The following C10orf90 variants were observed in gnomAD, a reference collection of about 807,000 sequenced individuals.
The protein encoded by C10orf90 is chromosome 10 open reading frame 90.
In C10orf90, 56 loss-of-function variants were observed where a neutral mutation model predicts 62.5. The observed-to-expected ratio is 0.90, with a 90% CI of 0.72 to 1.12. The LOEUF is 1.12. Among genes scored for constraint, C10orf90 ranks in the 50% most tolerant of loss-of-function variants. C10orf90 has a pLI of 0.00. For synonymous variants in C10orf90, 386 were observed against 340.4 expected (o/e 1.13, Z -1.47); for missense variants, 970 against 880.4 (o/e 1.10, Z -1.29).
intron 6 of C10orf90, among the ~76,000 whole-genome samples, chr10:126,460,722 G>GC (rs1859917456): frequency 6.6e-6 from 1 of 152,020 alleles, no homozygotes; most frequent in African/African-American, 2.4e-5. Flanking sequence ...TCCCACCGAG[G>GC]CCCCCTGGGT....
rs551725010 is a variant in C10orf90 at position 126,491,036 on chromosome 10, A to G, written c.1534+12921T>C. Among the ~76,000 whole-genome samples, 8 of 152,348 alleles carry G rather than the reference A, an allele frequency of 5.3e-5. No homozygotes were observed. The East Asian group carries it at 1.3e-3, about 26-fold the overall frequency. ...CCGTAAGTAAGCAGAAAAGCTGGAA[A>G]GGAAATTTTTAAAAATCTGTATCAG... On this transcript the variant is annotated intron_variant, in intron 4 of 9. Transcript: ENST00000488181.
At chr10:126,429,224 T>A (rs1160211911) in intron 8 of C10orf90, among the ~76,000 whole-genome samples, 1 of 151,662 alleles carries the variant, frequency 6.6e-6, no homozygotes, top group African/African-American at 2.4e-5. Context: ...TTAGTGGGAG[T>A]CTTGAACAGC....
intron 2 of C10orf90, among the ~76,000 whole-genome samples, chr10:126,626,373 C>T (rs1369475455): frequency 6.6e-6 from 1 of 152,112 alleles, no homozygotes; most frequent in African/African-American, 2.4e-5. Flanking sequence ...CCAGAACCCA[C>T]AGTTGTCCTG....
At chr10:126,434,384 G>T (rs1317604759) in intron 7 of C10orf90, among the ~76,000 whole-genome samples, 3 of 152,170 alleles carry the variant, frequency 2.0e-5, no homozygotes, top group Non-Finnish European at 4.4e-5. Flanking sequence ...CCTCCATGCA[G>T]AGCCCTTATC....
At chr10:126,655,707 T>C (rs1241250975) in intron 1 of C10orf90, among the ~76,000 whole-genome samples, 2 of 152,108 alleles carry the variant, frequency 1.3e-5, no homozygotes, top group South Asian at 4.1e-4. Flanking sequence ...TGAAATCAAA[T>C]ACACTGAAGT....
At chr10:126,661,033 G>C (rs1347247148) in intron 1 of C10orf90, among the ~76,000 whole-genome samples, 1 of 152,140 alleles carries the variant, frequency 6.6e-6, no homozygotes, top group African/African-American at 2.4e-5. Flanking sequence ...AAAACTTTTA[G>C]CCATTATTTC....
chr10:126,530,204 G>A (rs991532132), intron 2 of C10orf90, among the ~76,000 whole-genome samples: 1 of 151,818 alleles, frequency 6.6e-6, no homozygotes, highest in Non-Finnish European at 1.5e-5. Flanking sequence ...TAAACTATAC[G>A]TATGCACATT....
intron 2 of C10orf90, among the ~76,000 whole-genome samples, chr10:126,575,204 T>A (rs957027880): frequency 6.6e-6 from 1 of 151,848 alleles, no homozygotes; most frequent in African/African-American, 2.4e-5. Flanking sequence ...AAAGAAGAAG[T>A]CAAATTGTCC....
chr10:126,552,514 T>C (rs918647611), intron 2 of C10orf90, among the ~76,000 whole-genome samples: 2 of 152,156 alleles, frequency 1.3e-5, no homozygotes, highest in South Asian at 2.1e-4. Context: ...ACTGGACAGG[T>C]TGTCCATCAT....
intron 2 of C10orf90, among the ~76,000 whole-genome samples, chr10:126,526,063 A>C (rs1046533241): frequency 4.3e-5 from 4 of 93,278 alleles, no homozygotes; most frequent in African/African-American, 1.4e-4. Context: ...CACACACACA[A>C]AAGAAGCAGA....
intron 2 of C10orf90, among the ~76,000 whole-genome samples, chr10:126,621,858 A>G (rs1845649709): frequency 1.3e-5 from 2 of 152,144 alleles, no homozygotes; most frequent in African/African-American, 2.4e-5. Flanking sequence ...ATGCTTGACG[A>G]TTATTTTACA....
At chr10:126,517,845 G>T (rs1382517958) in intron 2 of C10orf90, among the ~76,000 whole-genome samples, 1 of 147,346 alleles carries the variant, frequency 6.8e-6, no homozygotes, top group African/African-American at 2.5e-5. Context: ...AGGAGGTAGA[G>T]GTTATAGTGA....
In C10orf90 at chr10:126,475,022, G is replaced by A. The variant is rs140605281; in HGVS notation, c.1535-10036C>T. ...TTTTGATTTGCATTTGGGCAGACCA[G>A]GTGGGATCCTTCAGATAATCAATTC... On this transcript the variant is annotated intron_variant, in intron 4 of 9. Transcript: ENST00000488181. Among the ~76,000 whole-genome samples the A allele has an allele frequency of 1.6e-3, 238 of 152,342 alleles. 2 individuals are homozygous for A. The highest frequency in any genetic ancestry group is 1.6e-3 in the Non-Finnish European group (109 of 68,032).
At chr10:126,649,905 G>T (rs1846257395) in intron 1 of C10orf90, among the ~76,000 whole-genome samples, 1 of 151,228 alleles carries the variant, frequency 6.6e-6, no homozygotes, top group African/African-American at 2.4e-5. Flanking sequence ...GTTTGCAGAA[G>T]AAAGGAGAGG....
rs1035232996 is a variant in C10orf90 at position 126,538,001 on chromosome 10, C to A, written c.314-24062G>T. ...GAAGAAAGCCACGTAAAAATGAAGG[C>A]AAGGATTGGGGTGATTGTATTAGTT... On this transcript the variant is annotated intron_variant, in intron 2 of 9. Transcript: ENST00000488181. 2.6e-5 allele frequency among the ~76,000 whole-genome samples: 4 copies of A among 152,174 alleles called. No homozygotes were observed. In the South Asian group the frequency reaches 8.3e-4, roughly 32 times the overall value.
intron 2 of C10orf90, among the ~76,000 whole-genome samples, 182 bp from the exon 3 acceptor site, chr10:126,514,121 C>T (rs1455687615): frequency 1.3e-5 from 2 of 152,152 alleles, no homozygotes; most frequent in Non-Finnish European, 2.9e-5. Context: ...CTCCATTTAA[C>T]CTCTCTGGGT....
chr10:126,666,308 A>C (rs372781851), intron 1 of C10orf90, among the ~76,000 whole-genome samples: 1 of 152,234 alleles, frequency 6.6e-6, no homozygotes, highest in Non-Finnish European at 1.5e-5. Context: ...AATCGAAAAA[A>C]TAAGCCTCAA....
chr10:126,516,799 G>A (rs1358248702), intron 2 of C10orf90, among the ~76,000 whole-genome samples: 5 of 152,148 alleles, frequency 3.3e-5, no homozygotes, highest in Non-Finnish European at 5.9e-5. Flanking sequence ...TAAAATCAAG[G>A]TGGTGGCAGG....
intron 7 of C10orf90, among the ~76,000 whole-genome samples, chr10:126,457,191 G>A (rs1859641177): frequency 6.6e-6 from 1 of 152,128 alleles, no homozygotes; most frequent in Admixed American, 6.5e-5. Flanking sequence ...GTTTCTCCAT[G>A]TTGCCCAGGC....
Sources: allele counts gnomAD v4.1 joint callset (sites outside exome capture counted in the v4.1 genomes callset), GRCh38; gene constraint gnomAD v4.1.1; transcripts MANE v1.5; gene names NCBI Gene and HGNC (gene_info 2026-07-23, HGNC 2026-07-21).